The following LAMB4 variants were observed in gnomAD, a reference collection of about 807,000 sequenced individuals.
LAMB4 encodes laminin subunit beta 4, also known as laminin subunit beta-4.
Under a neutral mutation model 199.2 loss-of-function variants are expected in LAMB4, and 196 were observed. That is an observed-to-expected ratio of 0.98 (90% CI 0.88 to 1.11). The LOEUF is 1.11. Among genes scored for constraint, LAMB4 ranks in the 50% least tolerant of loss-of-function variants. The pLI is 0.00. For missense variants in LAMB4, 2,080 were observed against 2,171.2 expected, an observed-to-expected ratio of 0.96 and a Z score of 0.83; for synonymous variants, 744 against 770.6, an observed-to-expected ratio of 0.97 and a Z score of 0.57.
At chr7:108,127,299 G>T (rs6466216) in intron 1 of LAMB4, among the ~76,000 whole-genome samples, 23,104 of 151,048 alleles carry the variant, frequency 0.15, 3,957 homozygotes, top group African/African-American at 0.42. Context: ...TTCCAGGTGA[G>T]TCCAATGGGC....
chr7:108,060,260 G>A (rs1343595464), intron 23 of LAMB4, among the ~76,000 whole-genome samples: 1 of 152,220 alleles, frequency 6.6e-6, no homozygotes, highest in Non-Finnish European at 1.5e-5. Flanking sequence ...CCTTGGAACT[G>A]TGGTTTTTGT....
chr7:108,106,787 G>A (rs2038033733), intron 6 of LAMB4, among the ~76,000 whole-genome samples: 2 of 151,780 alleles, frequency 1.3e-5, no homozygotes, highest in Non-Finnish European at 2.9e-5. Context: ...GGCTGGTCTC[G>A]AACTCCCAGG....
chr7:108,049,515 G>A lies in LAMB4; in HGVS notation c.3933C>T (p.Ile1311=). The part of the protein sequence containing the change: ...NASIADSSEN[I]KKYYHISSSA... ...ATGATGATATGTGATAATATTTCTT[G>A]ATGTTTTCTGAGGAGTCTACGTCAA... is the stretch of plus-strand genomic sequence containing the variant. The change falls in exon 27 of 34, where the codon ATC becomes ATT. Residue 1311 remains isoleucine, a synonymous_variant. Coordinates refer to ENST00000388781, the MANE Select transcript of LAMB4 (RefSeq NM_007356.3). 1.2e-6 allele frequency: 2 copies of A among 1,601,154 alleles called. No individual in the cohort carries two copies. The highest frequency in any genetic ancestry group is 8.5e-7 in the Non-Finnish European group (1 of 1,171,414).
intron 23 of LAMB4, among the ~76,000 whole-genome samples, chr7:108,059,995 G>A (rs937696213): frequency 6.6e-6 from 1 of 152,142 alleles, no homozygotes; most frequent in African/African-American, 2.4e-5. Flanking sequence ...ATATTGGATG[G>A]CACATTTGGA....
At chr7:108,072,175 G>GA (rs1213573439) in intron 17 of LAMB4, among the ~76,000 whole-genome samples, 1 of 152,094 alleles carries the variant, frequency 6.6e-6, no homozygotes, top group Non-Finnish European at 1.5e-5. Context: ...ATTCATGAAG[G>GA]AGAAAACCCT....
At chr7:108,067,038 A>T (rs1168616581) in intron 19 of LAMB4, among the ~76,000 whole-genome samples, 1 of 152,094 alleles carries the variant, frequency 6.6e-6, no homozygotes, top group Admixed American at 6.5e-5. Flanking sequence ...TTCCTAGACA[A>T]GATGGAAGAG....
chr7:108,014,092 T>G, the LAMB4 span, among the ~76,000 whole-genome samples: 2 of 151,212 alleles, frequency 1.3e-5, no homozygotes, highest in African/African-American at 4.8e-5. Context: ...TGAACATGTA[T>G]AGTCCTTGTT....
At chr7:108,057,967 A>G in intron 23 of LAMB4, 39 bp from the exon 24 acceptor site, 9 of 1,367,550 alleles carry the variant, frequency 6.6e-6, no homozygotes, top group Non-Finnish European at 8.4e-6. Flanking sequence ...GACAAGTTTT[A>G]TGGTCTAAAA....
chr7:108,103,297 G>C, intron 9 of LAMB4, 65 bp from the exon 10 acceptor site: 1 of 1,350,750 alleles, frequency 7.4e-7, no homozygotes, highest in South Asian at 1.4e-5. Context: ...CAGTGCCCCC[G>C]CACTGGTCAG....
At chr7:108,098,246 T>C (rs1407769133) in intron 11 of LAMB4, among the ~76,000 whole-genome samples, 157 bp downstream of exon 11, 2 of 143,520 alleles carry the variant, frequency 1.4e-5, no homozygotes, top group African/African-American at 2.5e-5. Flanking sequence ...GGAAGGAGAA[T>C]TGCTTGAACC....
intron 25 of LAMB4, 151 bp from the exon 26 acceptor site, chr7:108,052,408 T>G (rs2035855176): frequency 7.0e-6 from 4 of 571,392 alleles, no homozygotes; most frequent in Non-Finnish European, 1.2e-5. Context: ...GGTTTATAAT[T>G]GTGTTTATGT....
intron 27 of LAMB4, among the ~76,000 whole-genome samples, chr7:108,048,795 C>T (rs991169145): frequency 5.9e-5 from 9 of 152,040 alleles, no homozygotes; most frequent in African/African-American, 9.7e-5. Flanking sequence ...CAGGTTCAAG[C>T]GATTCTCCTG....
chr7:108,109,253 G>A lies in LAMB4; in HGVS notation c.329-9C>T, dbSNP rs754661521. 1 of 1,604,472 alleles carries A rather than the reference G, an allele frequency of 6.2e-7. No homozygotes were observed. Among genetic ancestry groups the A allele is most frequent in the Non-Finnish European group, 8.5e-7 (1 of 1,172,584 alleles). ...GCTGACATGATCAAGACCTAAGGAA[G>A]AATCCAGAAAGAAGAAAATCAGTGA... On this transcript the variant is annotated splice_polypyrimidine_tract_variant and intron_variant, in intron 4 of 33. Transcript: ENST00000388781.
chr7:108,035,604 C>CAAAAAAA (rs34425857), intron 30 of LAMB4, among the ~76,000 whole-genome samples: 2 of 79,946 alleles, frequency 2.5e-5, no homozygotes, highest in Non-Finnish European at 4.8e-5. Context: ...TAGAGAGTAC[C>CAAAAAAA]AAAAAAAAAA....
At chr7:108,094,339 G>C (rs951077540) in intron 12 of LAMB4, among the ~76,000 whole-genome samples, 3 of 152,208 alleles carry the variant, frequency 2.0e-5, no homozygotes, top group African/African-American at 7.2e-5. Context: ...TGGCGTGGCT[G>C]ACCTTTCTCT....
At chr7:108,013,120 A>G in the LAMB4 span, among the ~76,000 whole-genome samples, 2 of 152,232 alleles carry the variant, frequency 1.3e-5, no homozygotes, top group Non-Finnish European at 2.9e-5. Context: ...TGTGAAGAGT[A>G]TTCATTAAGT....
rs938306994 is a variant in LAMB4 at position 108,105,733 on chromosome 7, T to C, written c.870+84A>G. 5 of 1,164,280 alleles carry C rather than the reference T, an allele frequency of 4.3e-6. No homozygotes were observed. In the African/African-American group the frequency reaches 4.5e-5, roughly 11 times the overall value. The allele number at this position is 1,164,280 out of a possible 1,614,324, so 72.1% of individuals were successfully genotyped here. A position where few individuals can be genotyped will look rare whatever the true frequency, so the allele number is the denominator to read the frequency against. ...TGGCACTTAGATTTGTTGATCTCCATGTGGAGTGTCTCATCTATATATAGC... is the reference window on the plus strand; with the variant it reads ...TGGCACTTAGATTTGTTGATCTCCACGTGGAGTGTCTCATCTATATATAGC... On this transcript the variant is annotated intron_variant, in intron 8 of 33. Transcript: ENST00000388781.
chr7:108,016,075 C>T, the LAMB4 span, among the ~76,000 whole-genome samples: 6 of 152,034 alleles, frequency 3.9e-5, no homozygotes, highest in Admixed American at 3.9e-4. Context: ...CCATTTAATA[C>T]AGCCTAAGAC....
intron 22 of LAMB4, 51 bp downstream of exon 22, chr7:108,063,710 T>G: frequency 9.5e-6 from 14 of 1,475,056 alleles, no homozygotes; most frequent in Non-Finnish European, 1.1e-5. Context: ...AACACACTTA[T>G]GAGCTGTCAC....
Sources: gnomAD v4.1 joint callset for allele counts (sites outside exome capture counted in the v4.1 genomes callset) on GRCh38, gnomAD v4.1.1 for gene constraint, MANE v1.5 for transcripts, NCBI Gene and HGNC (gene_info 2026-07-23, HGNC 2026-07-21) for gene names.